The following BBS9 variants were observed in gnomAD, a reference collection of about 807,000 sequenced individuals.
BBS9 encodes the protein Bardet-Biedl syndrome 9.
In BBS9, 89 loss-of-function variants were observed where a neutral mutation model predicts 117.7. That is an observed-to-expected ratio of 0.76 (90% CI 0.64 to 0.90). The LOEUF is 0.90. Ranked by LOEUF, BBS9 falls within the 40% of genes least tolerant of loss-of-function variation. The pLI, the probability that BBS9 is intolerant of heterozygous loss-of-function variation, is 0.00. For synonymous variants in BBS9, 379 were observed against 370.9 expected, an observed-to-expected ratio of 1.02 and a Z score of -0.25; for missense variants, 982 against 1,042.2, an observed-to-expected ratio of 0.94 and a Z score of 0.80.
intron 19 of BBS9, among the ~76,000 whole-genome samples, chr7:33,445,333 C>T (rs1181338326): frequency 1.3e-5 from 2 of 152,156 alleles, no homozygotes; most frequent in Non-Finnish European, 2.9e-5. Context: ...GTTTTGAGTG[C>T]TCTGCTCATA....
At chr7:33,634,502 G>A (rs1036652464) in intron 21 of BBS9, among the ~76,000 whole-genome samples, 9 of 152,110 alleles carry the variant, frequency 5.9e-5, no homozygotes, top group African/African-American at 1.9e-4. Flanking sequence ...CATCCTTCCC[G>A]GCACATAGTA....
At chr7:33,547,869 A>G (rs1389588109) in intron 21 of BBS9, among the ~76,000 whole-genome samples, 1 of 152,238 alleles carries the variant, frequency 6.6e-6, no homozygotes, top group Non-Finnish European at 1.5e-5. Context: ...ATTCTTATCC[A>G]GTGTAACAGG....
At chr7:33,461,539 A>G (rs77103925) in intron 19 of BBS9, among the ~76,000 whole-genome samples, 6,838 of 151,954 alleles carry the variant, frequency 0.045, 199 homozygotes, top group East Asian at 0.14. Context: ...TCTCAGAAAA[A>G]GATTCCAGGC....
intron 19 of BBS9, among the ~76,000 whole-genome samples, chr7:33,394,646 G>C (rs1827644670): frequency 6.6e-6 from 1 of 152,162 alleles, no homozygotes; most frequent in Non-Finnish European, 1.5e-5. Flanking sequence ...AATGTTGAAA[G>C]AATGTAACCA....
intron 9 of BBS9, among the ~76,000 whole-genome samples, chr7:33,326,081 A>G (rs912036745): frequency 4.6e-5 from 7 of 151,944 alleles, no homozygotes; most frequent in Non-Finnish European, 8.8e-5. Context: ...TTGGGCCATG[A>G]ATTTCCTGTG....
At chr7:33,591,535 A>G (rs1472593830) in intron 21 of BBS9, among the ~76,000 whole-genome samples, 1 of 152,046 alleles carries the variant, frequency 6.6e-6, no homozygotes, top group Non-Finnish European at 1.5e-5. Context: ...AACACCCGTA[A>G]AGTATTCACT....
intron 19 of BBS9, among the ~76,000 whole-genome samples, chr7:33,405,177 G>T (rs1829695609): frequency 6.6e-6 from 1 of 152,178 alleles, no homozygotes; most frequent in African/African-American, 2.4e-5. Flanking sequence ...AACCAGCCTT[G>T]CATCCCAGGG....
intron 5 of BBS9, among the ~76,000 whole-genome samples, chr7:33,188,502 G>A (rs1262168799): frequency 6.6e-6 from 1 of 152,172 alleles, no homozygotes; most frequent in African/African-American, 2.4e-5. Context: ...CTCTTCAAGA[G>A]TACTATGACT....
intron 19 of BBS9, among the ~76,000 whole-genome samples, chr7:33,408,452 C>T (rs956458946): frequency 1.1e-4 from 16 of 152,234 alleles, no homozygotes; most frequent in South Asian, 6.2e-4. Context: ...CACTCTCCTG[C>T]GCCCACTATC....
chr7:33,401,421 T>A (rs772629087), intron 19 of BBS9, among the ~76,000 whole-genome samples: 1 of 152,142 alleles, frequency 6.6e-6, no homozygotes, highest in Non-Finnish European at 1.5e-5. Flanking sequence ...TGGGGCACAG[T>A]CTCAGGAGGT....
chr7:33,539,342 T>A (rs548740331), intron 21 of BBS9, among the ~76,000 whole-genome samples: 3 of 152,294 alleles, frequency 2.0e-5, no homozygotes, highest in Admixed American at 1.3e-4. Flanking sequence ...AGCCCTCCCA[T>A]GTTATGGCTA....
At chr7:33,487,574 A>G (rs1843288595) in intron 19 of BBS9, among the ~76,000 whole-genome samples, 2 of 152,202 alleles carry the variant, frequency 1.3e-5, no homozygotes, top group Admixed American at 1.3e-4. Flanking sequence ...GCACAATTCA[A>G]ACTATTGAGT....
intron 19 of BBS9, among the ~76,000 whole-genome samples, chr7:33,405,123 T>C (rs896188979): frequency 1.3e-5 from 2 of 151,148 alleles, no homozygotes; most frequent in African/African-American, 2.4e-5. Flanking sequence ...TTGTCTTTGG[T>C]TCTGTTTGTA....
In BBS9 at chr7:33,336,618, A is replaced by G. The variant is rs1446098820; in HGVS notation, c.1194A>G (p.Ser398=). The G allele has an allele frequency of 1.2e-6, 2 of 1,600,122 alleles. No homozygotes were observed. The highest frequency in any genetic ancestry group is 1.3e-5 in the African/African-American group (1 of 74,630). ...AAATCATCAAAGATGTTAACAAATC[A>G]CAAGGTATCTCATTTGCAGCTTTTT... ...LQKIIKDVNK[S]QGVWPMTERE... Residue 398 remains serine (S), a synonymous_variant, in exon 10 of 23, where the codon TCA becomes TCG. Transcript: ENST00000242067.
intron 2 of BBS9, 42 bp downstream of exon 2, chr7:33,146,406 A>C: frequency 6.6e-7 from 1 of 1,513,688 alleles, no homozygotes; most frequent in Non-Finnish European, 9.2e-7. Flanking sequence ...AAAGTTTTAA[A>C]GAGATCAAAT....
chr7:33,478,004 C>T (rs726464), intron 19 of BBS9, among the ~76,000 whole-genome samples: 118,831 of 152,056 alleles, frequency 0.78, 47,345 homozygotes, highest in African/African-American at 0.94. Context: ...ATATGACTTA[C>T]TGAGAGGGTT....
chr7:33,526,985 A>T (rs541663070), intron 20 of BBS9, among the ~76,000 whole-genome samples: 73 of 148,558 alleles, frequency 4.9e-4, no homozygotes, highest in African/African-American at 1.7e-3. Flanking sequence ...CCTCAGCTGC[A>T]GGTCTGTTGC....
At chr7:33,318,488 C>T (rs770252865) in intron 9 of BBS9, among the ~76,000 whole-genome samples, 2 of 152,122 alleles carry the variant, frequency 1.3e-5, no homozygotes, top group Non-Finnish European at 2.9e-5. Flanking sequence ...CCCATATTCT[C>T]ACTGCCTGGT....
In BBS9 at chr7:33,548,949, A is replaced by C. The variant is rs1291521204; in HGVS notation, c.2521+14773A>C. The stretch of plus-strand genomic sequence containing the variant: ...TACTTTAAAGTTCATATGCAACCAA[A>C]AAAGAGCCTGCATCACCAAGGCAAT... On this transcript the variant is annotated intron_variant, in intron 21 of 22. Transcript: ENST00000242067. Among the ~76,000 whole-genome samples the C allele has an allele frequency of 5.3e-5, 8 of 151,684 alleles. No individual in the cohort carries two copies. In the East Asian group the frequency reaches 1.4e-3, roughly 26 times the overall value.
Sources: gnomAD v4.1 joint callset for allele counts (sites outside exome capture counted in the v4.1 genomes callset) on GRCh38, gnomAD v4.1.1 for gene constraint, MANE v1.5 for transcripts, NCBI Gene and HGNC (gene_info 2026-07-23, HGNC 2026-07-21) for gene names.